Variants in MEI1 observed in about 807,000 individuals in gnomAD.
The protein encoded by MEI1 is meiotic double-stranded break formation protein 1, also known as meiosis inhibitor protein 1.
In MEI1, 103 loss-of-function variants were observed where a neutral mutation model predicts 146.2. The ratio of observed to expected loss-of-function variants is 0.70; its 90% CI spans 0.60 to 0.83. The LOEUF (loss-of-function observed/expected upper bound fraction) is 0.83, where lower values mean the gene tolerates loss of function less well. MEI1 is among the 40% of genes least tolerant of loss of function. The pLI, the probability that MEI1 is intolerant of heterozygous loss-of-function variation, is 0.00. For missense variants in MEI1, 1,529 were observed against 1,533.0 expected (o/e 1.00, Z 0.04); for synonymous variants, 652 against 628.2 (o/e 1.04, Z -0.57).
chr22:41,745,788 C>T (rs1418009561), intron 13 of MEI1, 97 bp from the exon 14 acceptor site: 5 of 1,274,742 alleles, frequency 3.9e-6, no homozygotes, highest in African/African-American at 3.0e-5. Context: ...TTCCCTGGAC[C>T]CTGAGCACAG....
In MEI1 at chr22:41,707,585, G is replaced by A. The variant is rs1387664542; in HGVS notation, c.349+2031G>A. On this transcript the variant is annotated intron_variant, in intron 3 of 30. Transcript: ENST00000401548. ...GCTACTCAGGAGATTGAGGTGAGAG[G>A]ATCACTTGAGCTCAGGAGTTCAAGT... Among the ~76,000 whole-genome samples, 12 of 152,180 alleles carry A rather than the reference G, an allele frequency of 7.9e-5. 1 individual carries two copies. Among genetic ancestry groups the A allele is most frequent in the Admixed American group, 2.6e-4 (4 of 15,270 alleles).
At chr22:41,785,915 A>AT (rs1274113686) in intron 26 of MEI1, among the ~76,000 whole-genome samples, 7,619 of 104,014 alleles carry the variant, frequency 0.073, 980 homozygotes, top group African/African-American at 0.23. Flanking sequence ...TTTTTATTTT[A>AT]TTTTTTTTTT....
At chr22:41,797,244 C>T (rs2076394142) in intron 30 of MEI1, among the ~76,000 whole-genome samples, 1 of 152,050 alleles carries the variant, frequency 6.6e-6, no homozygotes, top group Non-Finnish European at 1.5e-5. Context: ...CTGCCTTGGC[C>T]TCCCAAGTGC....
At chr22:41,699,745 G>T in intron 1 of MEI1, 33 bp downstream of exon 1, 1 of 1,526,206 alleles carries the variant, frequency 6.6e-7, no homozygotes. Context: ...AGAAGACCTG[G>T]GTTTGGCCAT....
At chr22:41,741,009 C>G (rs1177300368) in intron 11 of MEI1, among the ~76,000 whole-genome samples, 3 of 152,250 alleles carry the variant, frequency 2.0e-5, no homozygotes, top group South Asian at 2.1e-4. Context: ...CTCCCTGGTT[C>G]AAGCGATTCT....
rs1026288941 is a variant in MEI1, at chr22:41,729,721, G to A, written c.921G>A (p.Ala307=). 3.1e-6 allele frequency: 5 copies of A among 1,611,854 alleles called. No homozygotes were observed. Among genetic ancestry groups the A allele is most frequent in the African/African-American group, 1.3e-5 (1 of 74,854 alleles). Residue 307 remains alanine, a synonymous_variant, in exon 8 of 31, where the codon GCG becomes GCA. Transcript: ENST00000401548. ...TGGCCAGTGCTCACTGTATAACTGC[G>A]GTGCTTGTCCACTCCCCAGCAAAGC... ...LQVASAHCIT[A]VLVHSPAKHA... is the part of the protein sequence containing the mutation.
chr22:41,742,152 C>T (rs1010983890), intron 11 of MEI1, among the ~76,000 whole-genome samples: 1 of 151,828 alleles, frequency 6.6e-6, no homozygotes, highest in Non-Finnish European at 1.5e-5. Context: ...CCCAGTTACT[C>T]AGGTGGCTGA....
At chr22:41,754,677 G>GCCT (rs2073980322) in intron 17 of MEI1, among the ~76,000 whole-genome samples, 2 of 152,048 alleles carry the variant, frequency 1.3e-5, no homozygotes, top group South Asian at 4.2e-4. Context: ...CAGGTAATCT[G>GCCT]CCTCGGCCTC....
chr22:41,754,062 T>A lies in MEI1; in HGVS notation c.1951+16T>A. ...TCCAAAGAAGGTAAGATGCTACAAT[T>A]TGACCACTCATGTGGCCTGTGCTGG... On this transcript the variant is annotated intron_variant, in intron 17 of 30. Coordinates refer to ENST00000401548, the MANE Select transcript of MEI1 (RefSeq NM_152513.4). The A allele has an allele frequency of 6.3e-7, 1 of 1,581,774 alleles. No homozygotes were observed. The highest frequency in any genetic ancestry group is 1.1e-5 in the South Asian group (1 of 90,444).
rs1324676084 is a variant in MEI1, at chr22:41,795,358, A to G, written c.3535-53A>G. On this transcript the variant is annotated intron_variant, in intron 28 of 30. Coordinates refer to ENST00000401548, the MANE Select transcript of MEI1 (RefSeq NM_152513.4). The surrounding 1 kb of genome is among the most constrained non-coding windows in gnomAD (Gnocchi z 4.2). The stretch of plus-strand genomic sequence containing the variant: ...AGTTGGGGCACAGCAGTTGTCTATG[A>G]TGAAGGAGATGCCAAATCACTGGGT... 1.9e-6 allele frequency: 3 copies of G among 1,605,222 alleles called. No homozygotes were observed. The Admixed American group carries it at 5.0e-5, about 27-fold the overall frequency.
Position 41,726,732 on chromosome 22 carries a change from AAT to A in MEI1, c.864+2662_864+2663del, listed in dbSNP as rs903378226. 8.9e-4 allele frequency among the ~76,000 whole-genome samples: 117 copies of A among 130,964 alleles called. 1 individual carries two copies. Among genetic ancestry groups the A allele is most frequent in the African/African-American group, 2.9e-3 (116 of 39,382 alleles). 85.9% of individuals were successfully genotyped at this position (130,964 alleles called of 152,430 possible). On this transcript the variant is annotated intron_variant, in intron 7 of 30. Coordinates refer to ENST00000401548, the MANE Select transcript of MEI1 (RefSeq NM_152513.4). Reference sequence around the variant, plus strand: ...TTACATCAATAGCATCTTAAGATACAATATGTCATTTCTTTTATAAAAGAGAA... The same window carrying A: ...TTACATCAATAGCATCTTAAGATACAATGTCATTTCTTTTATAAAAGAGAA...
intron 3 of MEI1, among the ~76,000 whole-genome samples, chr22:41,712,684 G>GTGTA (rs1293846697): frequency 1.3e-5 from 2 of 150,646 alleles, no homozygotes; most frequent in South Asian, 4.2e-4. Context: ...GTGTGTGTGT[G>GTGTA]TGTGTGTGTG....
chr22:41,789,034 C>CGG (rs1446781522), intron 26 of MEI1, among the ~76,000 whole-genome samples: 1 of 152,150 alleles, frequency 6.6e-6, no homozygotes, highest in Admixed American at 6.6e-5. Context: ...GGTAGTAAGG[C>CGG]CAGGCGCAGT....
At chr22:41,756,588 G>A (rs1190035033) in intron 17 of MEI1, among the ~76,000 whole-genome samples, 3 of 151,576 alleles carry the variant, frequency 2.0e-5, no homozygotes, top group Non-Finnish European at 2.9e-5. Flanking sequence ...ATTCTCCTGC[G>A]TCAGCTTCCT....
At chr22:41,747,999 GTCTT>G in intron 14 of MEI1, 104 bp from the exon 15 acceptor site, 1 of 730,088 alleles carries the variant, frequency 1.4e-6, no homozygotes, top group Non-Finnish European at 2.4e-6. Flanking sequence ...CTTTTGTTGT[GTCTT>G]TCAAGTGAAA....
intron 15 of MEI1, among the ~76,000 whole-genome samples, chr22:41,749,876 C>T (rs892684586): frequency 3.6e-4 from 53 of 146,952 alleles, no homozygotes; most frequent in African/African-American, 1.3e-3. Flanking sequence ...AGAGAAGGCT[C>T]ACTGGGGGAG....
Position 41,707,101 on chromosome 22 carries a change from G to A in MEI1, c.349+1547G>A, listed in dbSNP as rs191241534. ...ACCTGTAATCCCAGCTACTTGGGAG[G>A]CAGAGGCAGGAGAATCACTTGAACC... On this transcript the variant is annotated intron_variant, in intron 3 of 30. Coordinates refer to ENST00000401548, the MANE Select transcript of MEI1 (RefSeq NM_152513.4). Among the ~76,000 whole-genome samples the A allele has an allele frequency of 2.6e-5, 4 of 152,150 alleles. No homozygotes were observed. In the East Asian group the frequency reaches 7.7e-4, roughly 29 times the overall value.
At chr22:41,713,913 A>G (rs5758431) in intron 3 of MEI1, 89 bp from the exon 4 acceptor site, 848,997 of 1,070,580 alleles carry the variant, frequency 0.79, 341,888 homozygotes, top group African/African-American at 0.95. Flanking sequence ...GCAAATCACT[A>G]TCCTGCACTG....
At chr22:41,742,450 A>G (rs2072961406) in intron 11 of MEI1, among the ~76,000 whole-genome samples, 1 of 152,152 alleles carries the variant, frequency 6.6e-6, no homozygotes, top group African/African-American at 2.4e-5. Flanking sequence ...TTGTATCCTT[A>G]ATAGTAATAA....
Sources: allele counts gnomAD v4.1 joint callset (sites outside exome capture counted in the v4.1 genomes callset), GRCh38; gene constraint gnomAD v4.1.1; non-coding constraint Gnocchi (gnomAD v3.1); transcripts MANE v1.5; gene names NCBI Gene and HGNC (gene_info 2026-07-23, HGNC 2026-07-21).